AKAP17A: variants seen among roughly 807,000 people sequenced by gnomAD.
AKAP17A encodes A-kinase anchor protein 17A.
A neutral mutation model predicts 52.2 loss-of-function variants in AKAP17A; 15 were observed. The observed-to-expected ratio is 0.29, with a 90% CI of 0.19 to 0.44. AKAP17A has a LOEUF of 0.44. AKAP17A is among the 20% of genes least tolerant of loss of function. AKAP17A has a pLI of 1.00. For synonymous variants in AKAP17A, 514 were observed against 424.7 expected, an observed-to-expected ratio of 1.21 and a Z score of -2.58; for missense variants, 1,060 against 1,007.0, an observed-to-expected ratio of 1.05 and a Z score of -0.71.
intron 4 of AKAP17A, 143 bp downstream of exon 4, chrX:1,599,575 C>A: frequency 8.6e-7 from 1 of 1,156,142 alleles, no homozygotes; most frequent in Non-Finnish European, 1.3e-6. Context: ...CCGAGGATGA[C>A]GGCTCCTTCC....
chrX:1,593,494 C>G lies in AKAP17A; in HGVS notation c.32C>G (p.Ser11Cys). 1 of 1,613,712 alleles carries G rather than the reference C, an allele frequency of 6.2e-7. No individual in the cohort carries two copies. Among genetic ancestry groups the G allele is most frequent in the Non-Finnish European group, 8.5e-7 (1 of 1,179,856 alleles). The change falls in exon 2 of 5, where the codon TCT (serine) becomes TGT (cysteine). Residue 11 changes from serine (S) to cysteine (C), a missense_variant. By Grantham distance (112) the Ser-to-Cys change is moderately radical. Around this residue, in one of 2 missense-constraint regions of AKAP17A, gnomAD observed 267 missense variants for 377.1 expected, o/e 0.71. Transcript: ENST00000313871. MAAATIVHDTSEAVELCPAYG... is the reference protein window; with the variant it reads MAAATIVHDTCEAVELCPAYG... The stretch of plus-strand genomic sequence containing the variant: ...GCGGCTACCATCGTGCACGACACGT[C>G]TGAGGCCGTGGAGCTCTGCCCTGCT...
chrX:1,601,213 A>G lies in AKAP17A; in HGVS notation c.1707A>G (p.Arg569=). ...CTGCCTGCGAGCAGAATGTCTCCAG[A>G]AAGGACACCCGGTCAGAACAGGACA... is the stretch of plus-strand genomic sequence containing the variant. ...GIPACEQNVS[R]KDTRSEQDKC... Residue 569 remains arginine, a synonymous_variant, in exon 5 of 5, where the codon AGA becomes AGG. Coordinates refer to ENST00000313871, the MANE Select transcript of AKAP17A (RefSeq NM_005088.3). 1 of 1,613,904 alleles carries G rather than the reference A, an allele frequency of 6.2e-7. No homozygotes were observed. The highest frequency in any genetic ancestry group is 8.5e-7 in the Non-Finnish European group (1 of 1,179,800).
intron 3 of AKAP17A, 62 bp downstream of exon 3, chrX:1,595,594 C>T (rs1225911503): frequency 6.2e-7 from 1 of 1,602,716 alleles, no homozygotes; most frequent in African/African-American, 1.3e-5. Context: ...GTGCGCAGAC[C>T]CGTGTGCGTG....
chrX:1,595,418 C>T lies in AKAP17A; in HGVS notation c.797C>T (p.Ala266Val). Residue 266 changes from alanine to valine, a missense_variant, in exon 3 of 5, where the codon GCC (alanine) becomes GTC (valine). Physicochemically the swap from Ala to Val is moderately conservative, Grantham distance 64. Transcript: ENST00000313871. The stretch of plus-strand genomic sequence containing the variant: ...GATTCGACCAAACACCTGAGTGATG[C>T]CTCAATTAAGAAGCGGCAGCTGGAG... The part of the protein sequence containing the change: ...SFDSTKHLSD[A>V]SIKKRQLERQ... 1 of 1,613,952 alleles carries T rather than the reference C, an allele frequency of 6.2e-7. No homozygotes were observed. The highest frequency in any genetic ancestry group is 8.5e-7 in the Non-Finnish European group (1 of 1,179,862).
intron 4 of AKAP17A, 141 bp from the exon 5 acceptor site, chrX:1,600,518 C>A (rs1331548240): frequency 4.5e-6 from 4 of 883,998 alleles, no homozygotes; most frequent in Non-Finnish European, 6.7e-6. Context: ...AGACGCCCCC[C>A]ACCCCTGGGC....
At chrX:1,597,170 A>AGTCCCGGCACTGAACTCCTGGGAGCAG (rs1933044637) in intron 3 of AKAP17A, among the ~76,000 whole-genome samples, 1 of 151,636 alleles carries the variant, frequency 6.6e-6, no homozygotes, top group African/African-American at 2.4e-5. Flanking sequence ...TTTGCACGAG[A>AGTCCCGGCACTGAACTCCTGGGAGCAG]GTCCCGGCAC....
chrX:1,593,396 G>A, intron 1 of AKAP17A, 48 bp from the exon 2 acceptor site: 1 of 1,549,872 alleles, frequency 6.5e-7, no homozygotes, highest in Non-Finnish European at 8.8e-7. Context: ...CTCATTGGCG[G>A]GGGAGGTGGG....
intron 4 of AKAP17A, chrX:1,599,721 C>T: frequency 1.6e-6 from 1 of 625,380 alleles, no homozygotes; most frequent in Non-Finnish European, 2.9e-6. Context: ...CTCTCTGTTT[C>T]CTTTGGGTCG....
Position 1,602,044 on chromosome X carries a change from C to G in AKAP17A, c.*450C>G, listed in dbSNP as rs770684762. On this transcript the variant is annotated 3_prime_UTR_variant, in exon 5 of 5. Transcript: ENST00000313871. The stretch of plus-strand genomic sequence containing the variant: ...GCGTTGCCCTGGTGATTCTTTCCCC[C>G]CCGTTTGTAATGTTAACTGATCAGG... The G allele has an allele frequency of 8.2e-4, 135 of 165,592 alleles. No individual in the cohort carries two copies. The highest frequency in any genetic ancestry group is 2.7e-3 in the African/African-American group (114 of 42,162). The allele number at this position is 165,592 out of a possible 1,614,324, so 10.3% of individuals were successfully genotyped here. A position where few individuals can be genotyped will look rare whatever the true frequency, so the allele number is the denominator to read the frequency against.
In AKAP17A at chrX:1,596,947, C is replaced by G. The variant is rs1423005311; in HGVS notation, c.911+1415C>G. 2.6e-5 allele frequency among the ~76,000 whole-genome samples: 4 copies of G among 152,152 alleles called. 1 individual carries two copies. Among genetic ancestry groups the G allele is most frequent in the African/African-American group, 9.6e-5 (4 of 41,454 alleles). On this transcript the variant is annotated intron_variant, in intron 3 of 4. Coordinates refer to ENST00000313871, the MANE Select transcript of AKAP17A (RefSeq NM_005088.3). ...CCTCCTCCTCCTACTCCTCTTCGTC[C>G]TCCGTCCCTCCCGCTGTGTCCTCTG...
rs776932781 is a variant in AKAP17A, at chrX:1,593,756, C to T, written c.294C>T (p.Gly98=). ...AGTCTTTTCTGGCCTGCCTGGACGG[C>T]AAGACCATCAAGCTCAGCGGCTTCT... ...LVKSFLACLD[G]KTIKLSGFSD... is the part of the protein sequence containing the mutation. Residue 98 remains glycine, a synonymous_variant, in exon 2 of 5, where the codon GGC becomes GGT. Transcript: ENST00000313871. The T allele has an allele frequency of 6.9e-5, 111 of 1,613,812 alleles. No homozygotes were observed. Among genetic ancestry groups the T allele is most frequent in the Non-Finnish European group, 8.9e-5 (105 of 1,179,872 alleles).
In AKAP17A at chrX:1,593,665, G is replaced by A. The variant is rs1487216655; in HGVS notation, c.203G>A (p.Arg68His). 3 of 1,613,798 alleles carry A rather than the reference G, an allele frequency of 1.9e-6. No homozygotes were observed. The highest frequency in any genetic ancestry group is 1.1e-5 in the South Asian group (1 of 91,076). ...MVQNHQFSTL[R>H]ISKSTMDFIR... ...CAGAACCACCAGTTCTCCACGCTGC[G>A]TATTTCCAAGAGCACCATGGACTTC... Residue 68 changes from arginine to histidine, a missense_variant, in exon 2 of 5, where the codon CGT (arginine) becomes CAT (histidine). Arg to His is a conservative substitution (Grantham distance 29). Around this residue, in one of 2 missense-constraint regions of AKAP17A, gnomAD observed 267 missense variants for 377.1 expected, o/e 0.71. Transcript: ENST00000313871.
chrX:1,597,751 C>T (rs1407121857), intron 3 of AKAP17A, among the ~76,000 whole-genome samples: 2 of 151,844 alleles, frequency 1.3e-5, no homozygotes, highest in Non-Finnish European at 1.5e-5. Context: ...GAGAGATGGA[C>T]GTTGGAGTAG....
chrX:1,597,074 G>A (rs1177572245), intron 3 of AKAP17A, among the ~76,000 whole-genome samples: 1 of 152,202 alleles, frequency 6.6e-6, no homozygotes, highest in Non-Finnish European at 1.5e-5. Context: ...AGCCTCTGGT[G>A]GGACCGAGTT....
At chrX:1,591,842 G>A (rs1468748473) in intron 1 of AKAP17A, 73 bp downstream of exon 1, 3 of 151,058 alleles carry the variant, frequency 2.0e-5, no homozygotes, top group Non-Finnish European at 3.0e-5. Flanking sequence ...CCGGGCCCGG[G>A]GGGCCGGGGC....
chrX:1,598,178 G>A (rs1455901785), intron 3 of AKAP17A, among the ~76,000 whole-genome samples: 5 of 151,996 alleles, frequency 3.3e-5, no homozygotes, highest in African/African-American at 7.3e-5. Flanking sequence ...GCCGCCCTCC[G>A]AGCTCGTGGG....
chrX:1,595,319 GC>G, intron 2 of AKAP17A, 64 bp from the exon 3 acceptor site: 1 of 1,603,680 alleles, frequency 6.2e-7, no homozygotes, highest in Non-Finnish European at 8.5e-7. Flanking sequence ...CCAGGAGAGG[GC>G]GCCTGGCCGT....
chrX:1,598,226 A>C (rs775839546), intron 3 of AKAP17A, among the ~76,000 whole-genome samples: 2 of 152,308 alleles, frequency 1.3e-5, no homozygotes, highest in African/African-American at 4.8e-5. Flanking sequence ...CCTTCAGCAC[A>C]TGAAACTGCC....
At chrX:1,599,715 C>T (rs1664863633) in intron 4 of AKAP17A, 3 of 627,804 alleles carry the variant, frequency 4.8e-6, no homozygotes, top group Non-Finnish European at 8.6e-6. Flanking sequence ...CAGAGGCTCT[C>T]TGTTTCCTTT....
Sources: allele counts gnomAD v4.1 joint callset (sites outside exome capture counted in the v4.1 genomes callset), GRCh38; gene constraint gnomAD v4.1.1; regional missense constraint gnomAD v4.1.1; transcripts MANE v1.5; gene names NCBI Gene and HGNC (gene_info 2026-07-23, HGNC 2026-07-21).